The following GAB1 variants were observed in gnomAD, a reference collection of about 807,000 sequenced individuals.
GAB1 encodes the protein GRB2-associated-binding protein 1.
Under a neutral mutation model 66.5 loss-of-function variants are expected in GAB1, and 19 were observed. The observed-to-expected ratio is 0.29, with a 90% CI of 0.20 to 0.42. The LOEUF is 0.42. Ranked by LOEUF, GAB1 falls within the 10% of genes least tolerant of loss-of-function variation. The pLI is 1.00. For synonymous variants in GAB1, 294 were observed against 301.4 expected, an observed-to-expected ratio of 0.98 and a Z score of 0.25; for missense variants, 732 against 858.5, an observed-to-expected ratio of 0.85 and a Z score of 1.84.
rs116434497 is a variant in GAB1 at position 143,349,033 on chromosome 4, C to T, written c.72+11773C>T. 2.6e-3 allele frequency among the ~76,000 whole-genome samples: 398 copies of T among 152,290 alleles called. 1 individual carries two copies. Among genetic ancestry groups the T allele is most frequent in the African/African-American group, 9.0e-3 (373 of 41,544 alleles). The stretch of plus-strand genomic sequence containing the variant: ...GCATCTGTTTTGTCCTCCTGTCATG[C>T]TCTGTTATTCTCATAGCATAGCACT... On this transcript the variant is annotated intron_variant, in intron 1 of 9. Transcript: ENST00000262994.
chr4:143,405,230 TAG>T (rs992476224), intron 1 of GAB1, among the ~76,000 whole-genome samples: 3 of 151,842 alleles, frequency 2.0e-5, no homozygotes, highest in East Asian at 1.9e-4. Flanking sequence ...TATGGATATA[TAG>T]AGAGAGAGAG....
intron 3 of GAB1, among the ~76,000 whole-genome samples, chr4:143,436,584 A>G (rs3805236): frequency 0.73 from 110,393 of 151,980 alleles, 41,881 homozygotes; most frequent in African/African-American, 0.94. Flanking sequence ...TGGGAATAGA[A>G]CAAGGGAATA....
intron 1 of GAB1, among the ~76,000 whole-genome samples, chr4:143,377,605 T>A (rs1378635701): frequency 1.3e-5 from 2 of 152,178 alleles, no homozygotes; most frequent in Non-Finnish European, 2.9e-5. Context: ...CTAATTTATC[T>A]AAAAAATGGA....
chr4:143,465,158 T>A (rs1417381697), intron 8 of GAB1, among the ~76,000 whole-genome samples: 1 of 152,198 alleles, frequency 6.6e-6, no homozygotes, highest in Non-Finnish European at 1.5e-5. Context: ...TTTGAGCACA[T>A]GTATAATAGA....
At chr4:143,358,688 G>A (rs1729542511) in intron 1 of GAB1, among the ~76,000 whole-genome samples, 1 of 152,192 alleles carries the variant, frequency 6.6e-6, no homozygotes, top group Non-Finnish European at 1.5e-5. Flanking sequence ...ACACATTACT[G>A]ATAATCTCTT....
chr4:143,410,925 C>T (rs549834319), intron 1 of GAB1, among the ~76,000 whole-genome samples: 1 of 152,170 alleles, frequency 6.6e-6, no homozygotes, highest in Non-Finnish European at 1.5e-5. Flanking sequence ...TCAGTACATT[C>T]AAATGCACAG....
chr4:143,426,080 A>G, intron 2 of GAB1: 2 of 551,562 alleles, frequency 3.6e-6, no homozygotes, highest in South Asian at 2.4e-5. Flanking sequence ...TTGACATTAC[A>G]TGGAGTATAG....
intron 2 of GAB1, among the ~76,000 whole-genome samples, chr4:143,432,487 T>G (rs1391591881): frequency 2.0e-5 from 3 of 151,974 alleles, no homozygotes; most frequent in African/African-American, 7.3e-5. Context: ...AGAAGAAAAA[T>G]AAACTTCCAG....
intron 6 of GAB1, among the ~76,000 whole-genome samples, chr4:143,456,271 C>T (rs1314792200): frequency 6.6e-6 from 1 of 152,142 alleles, no homozygotes; most frequent in Non-Finnish European, 1.5e-5. Flanking sequence ...TCCTGGCTAA[C>T]ACGGTGAAAC....
chr4:143,412,212 C>T (rs1732429497), intron 1 of GAB1, among the ~76,000 whole-genome samples: 1 of 152,190 alleles, frequency 6.6e-6, no homozygotes, highest in Non-Finnish European at 1.5e-5. Context: ...AAGAGTGACA[C>T]ATAAGCTGTA....
chr4:143,351,475 TTG>T (rs1336258061), intron 1 of GAB1, among the ~76,000 whole-genome samples: 1 of 152,128 alleles, frequency 6.6e-6, no homozygotes, highest in Non-Finnish European at 1.5e-5. Flanking sequence ...GTCCAGCCGC[TTG>T]TGTCTGCCAC....
At chr4:143,423,023 A>G (rs1187676958) in intron 2 of GAB1, among the ~76,000 whole-genome samples, 1 of 152,256 alleles carries the variant, frequency 6.6e-6, no homozygotes, top group Non-Finnish European at 1.5e-5. Context: ...TTACTGGTAC[A>G]GTAGTATAGA....
intron 1 of GAB1, among the ~76,000 whole-genome samples, chr4:143,399,704 G>A (rs1229644156): frequency 6.6e-6 from 1 of 152,118 alleles, no homozygotes; most frequent in African/African-American, 2.4e-5. Flanking sequence ...GGCACTCAAA[G>A]TGATTTTTAG....
chr4:143,398,242 T>C (rs910022885), intron 1 of GAB1, among the ~76,000 whole-genome samples: 1 of 152,244 alleles, frequency 6.6e-6, no homozygotes, highest in Non-Finnish European at 1.5e-5. Context: ...ACCATACTAA[T>C]GCACTTCTAT....
At chr4:143,449,272 T>G (rs1734757544) in intron 6 of GAB1, among the ~76,000 whole-genome samples, 1 of 151,882 alleles carries the variant, frequency 6.6e-6, no homozygotes, top group Admixed American at 6.6e-5. Context: ...TTCTGTTGAT[T>G]TGGGGTGGAG....
intron 1 of GAB1, among the ~76,000 whole-genome samples, chr4:143,403,067 A>G (rs1731857109): frequency 6.6e-6 from 1 of 152,190 alleles, no homozygotes; most frequent in Admixed American, 6.5e-5. Context: ...ATCTTGTGTC[A>G]ACTGCACATG....
chr4:143,413,624 C>T (rs1400930393), intron 1 of GAB1, among the ~76,000 whole-genome samples: 1 of 152,114 alleles, frequency 6.6e-6, no homozygotes, highest in Non-Finnish European at 1.5e-5. Flanking sequence ...CCTCTGCAGA[C>T]ATTTTGCCTG....
At chr4:143,373,933 G>A (rs1295167419) in intron 1 of GAB1, among the ~76,000 whole-genome samples, 1 of 143,926 alleles carries the variant, frequency 6.9e-6, no homozygotes, top group African/African-American at 2.6e-5. Flanking sequence ...TTTTCATTCA[G>A]TCTCAGTTAT....
chr4:143,357,213 C>G (rs1438455731), intron 1 of GAB1, among the ~76,000 whole-genome samples: 2 of 152,158 alleles, frequency 1.3e-5, no homozygotes, highest in Non-Finnish European at 2.9e-5. Flanking sequence ...AAACTCCTAC[C>G]TAGTGGATGC....
Sources: allele counts gnomAD v4.1 joint callset (sites outside exome capture counted in the v4.1 genomes callset), GRCh38; gene constraint gnomAD v4.1.1; transcripts MANE v1.5; gene names NCBI Gene and HGNC (gene_info 2026-07-23, HGNC 2026-07-21).